HEATR1: variants seen among roughly 807,000 people sequenced by gnomAD.
The protein encoded by HEATR1 is HEAT repeat-containing protein 1.
A neutral mutation model predicts 248.2 loss-of-function variants in HEATR1; 77 were observed. The ratio of observed to expected loss-of-function variants is 0.31; its 90% confidence interval spans 0.26 to 0.37. The LOEUF is 0.37. HEATR1 is among the 10% of genes least tolerant of loss of function. The probability of loss-of-function intolerance (pLI) is 1.00; values close to 1 mark genes in which losing one functional copy is unlikely to be tolerated. For missense variants in HEATR1, 2,420 were observed against 2,504.9 expected (o/e 0.97, Z 0.72); for synonymous variants, 897 against 923.1 (o/e 0.97, Z 0.51).
chr1:236,585,761 A>T lies in HEATR1; in HGVS notation c.2049+59T>A. 3.9e-6 allele frequency: 6 copies of T among 1,538,884 alleles called. No individual in the cohort carries two copies. In the South Asian group the frequency reaches 6.2e-5, roughly 16 times the overall value. ...GAAAAATCTAGTAAAGCAAAAGCTG[A>T]GAATTTAATAAGAGTATGAGAAAGA... On this transcript the variant is annotated intron_variant, in intron 16 of 44. Transcript: ENST00000366582.
chr1:236,596,696 T>A (rs1664185338), intron 6 of HEATR1, 140 bp downstream of exon 6: 1 of 793,664 alleles, frequency 1.3e-6, no homozygotes. Flanking sequence ...AGTGTCATAT[T>A]TTCAACCTAA....
At chr1:236,565,566 A>C (rs911231554) in intron 31 of HEATR1, among the ~76,000 whole-genome samples, 3 of 152,108 alleles carry the variant, frequency 2.0e-5, no homozygotes, top group Admixed American at 1.3e-4. Context: ...TGTGGTACCT[A>C]CTTTTTTTCT....
chr1:236,558,842 A>C (rs1373871982), intron 35 of HEATR1, among the ~76,000 whole-genome samples, 153 bp downstream of exon 35: 3 of 152,240 alleles, frequency 2.0e-5, no homozygotes, highest in Non-Finnish European at 4.4e-5. Flanking sequence ...CGTTAGAATT[A>C]ACGTCACATT....
Position 236,557,938 on chromosome 1 carries a change from TTTA to T in HEATR1, c.5204+296_5204+298del, listed in dbSNP as rs1256034205. ...TCTTTCTGTTTGAAGATTAATTATT[TTTA>T]TTATTATTTCTTTAAGAGACAGGGT... On this transcript the variant is annotated intron_variant, in intron 36 of 44. Transcript: ENST00000366582. 3.9e-5 allele frequency among the ~76,000 whole-genome samples: 6 copies of T among 152,260 alleles called. No homozygotes were observed. The East Asian group carries it at 5.8e-4, about 15-fold the overall frequency.
chr1:236,577,661 T>A (rs1165938884), intron 20 of HEATR1, among the ~76,000 whole-genome samples: 1 of 152,046 alleles, frequency 6.6e-6, no homozygotes, highest in South Asian at 2.1e-4. Flanking sequence ...GCTAATTTTG[T>A]ATTTTTAGTA....
intron 19 of HEATR1, among the ~76,000 whole-genome samples, chr1:236,581,901 CTGT>C (rs1663756881): frequency 2.6e-5 from 4 of 152,214 alleles, no homozygotes; most frequent in Admixed American, 1.3e-4. Context: ...AAAGACTGGG[CTGT>C]TGTTATTTTT....
chr1:236,573,980 A>G, intron 24 of HEATR1: 1 of 351,962 alleles, frequency 2.8e-6, no homozygotes, highest in Non-Finnish European at 5.0e-6. Flanking sequence ...TACACATCCT[A>G]TCTGGTTAAA....
At chr1:236,574,574 C>CT (rs74614923) in intron 23 of HEATR1, 87 bp downstream of exon 23, 71,247 of 996,200 alleles carry the variant, frequency 0.072, 211 homozygotes, top group East Asian at 0.19. Context: ...AAATATTAAT[C>CT]TTTTTTTTTT....
In HEATR1 at chr1:236,583,004, G is replaced by A. The variant is rs759448779; in HGVS notation, c.2425+9C>T. 2.5e-6 allele frequency: 4 copies of A among 1,612,764 alleles called. No individual in the cohort carries two copies. The highest frequency in any genetic ancestry group is 3.4e-6 in the Non-Finnish European group (4 of 1,179,130). ...ATCACATTTAAAAGATTCACAGCTT[G>A]TATCTTACCTTTAGGAAAAGATTTA... On this transcript the variant is annotated intron_variant, in intron 18 of 44. Coordinates refer to ENST00000366582, the MANE Select transcript of HEATR1 (RefSeq NM_018072.6).
At chr1:236,599,884 C>T (rs1283898380) in intron 3 of HEATR1, among the ~76,000 whole-genome samples, 1 of 152,030 alleles carries the variant, frequency 6.6e-6, no homozygotes, top group East Asian at 1.9e-4. Flanking sequence ...AACTTTCTCT[C>T]AGCTTTACAA....
chr1:236,600,538 GATT>G (rs924789600), intron 3 of HEATR1, among the ~76,000 whole-genome samples: 1 of 148,812 alleles, frequency 6.7e-6, no homozygotes, highest in Admixed American at 6.7e-5. Context: ...CCTTTTATTA[GATT>G]TTTTTTTTTT....
rs1192571319 is a variant in HEATR1 at position 236,566,643 on chromosome 1, G to C, written c.4308+3C>G. 1.2e-6 allele frequency: 2 copies of C among 1,604,978 alleles called. No homozygotes were observed. The highest frequency in any genetic ancestry group is 1.7e-6 in the Non-Finnish European group (2 of 1,172,218). ...TCCTTATCTTCCCACCCTAGGTTCT[G>C]ACCTTTTCGCCATAGGCAGCCGCCA... On this transcript the variant is annotated splice_donor_region_variant and intron_variant, in intron 30 of 44. Transcript: ENST00000366582.
Position 236,567,574 on chromosome 1 carries a change from T to C in HEATR1, c.4078-698A>G, listed in dbSNP as rs541212001. ...AAAATACAAAATTAGCCGGGCGTGGTGGTGCGTGCCTGTAGTCCCAGCTAC... is the reference window on the plus strand; with the variant it reads ...AAAATACAAAATTAGCCGGGCGTGGCGGTGCGTGCCTGTAGTCCCAGCTAC... On this transcript the variant is annotated intron_variant, in intron 29 of 44. Coordinates refer to ENST00000366582, the MANE Select transcript of HEATR1 (RefSeq NM_018072.6). Among the ~76,000 whole-genome samples the C allele has an allele frequency of 1.8e-4, 27 of 152,302 alleles. 1 individual carries two copies. The highest frequency in any genetic ancestry group is 3.1e-4 in the Non-Finnish European group (21 of 68,028).
chr1:236,587,967 G>A lies in HEATR1; in HGVS notation c.1607C>T (p.Ser536Leu), dbSNP rs1218110659. 6.2e-6 allele frequency: 10 copies of A among 1,610,332 alleles called. No individual in the cohort carries two copies. Among genetic ancestry groups the A allele is most frequent in the Middle Eastern group, 1.7e-4 (1 of 6,040 alleles). Residue 536 changes from serine to leucine, a missense_variant, in exon 13 of 45, where the codon TCG (serine) becomes TTG (leucine). Ser to Leu is a moderately radical substitution (Grantham distance 145). Coordinates refer to ENST00000366582, the MANE Select transcript of HEATR1 (RefSeq NM_018072.6). ...ACTCACCTCAAAAGCACTTATAGCC[G>A]ACAAAACAACATCTATATTATCATC... ...LGDDNIDVVL[S>L]AISAFEIFKE...
rs750898415 is a variant in HEATR1, at chr1:236,595,588, G to A, written c.1042C>T (p.His348Tyr). The A allele has an allele frequency of 1.6e-5, 25 of 1,608,694 alleles. No individual in the cohort carries two copies. The highest frequency in any genetic ancestry group is 8.3e-5 in the Admixed American group (5 of 59,974). The change falls in exon 8 of 45, where the codon CAT becomes TAT. Residue 348 changes from histidine (H) to tyrosine (Y), a missense_variant. Coordinates refer to ENST00000366582, the MANE Select transcript of HEATR1 (RefSeq NM_018072.6). ...SETYDVSPLL[H>Y]YMLPHLVVSI... ...ACGACCAGATGGGGAAGCATGTAAT[G>A]CAGAAGAGGACTGACATCGTAAGTT...
intron 28 of HEATR1, among the ~76,000 whole-genome samples, chr1:236,570,073 C>T (rs956518305): frequency 6.6e-6 from 1 of 152,192 alleles, no homozygotes; most frequent in East Asian, 1.9e-4. Flanking sequence ...CGGATCATGA[C>T]ATCAGGAGAT....
At position 236,574,101 on chromosome 1, in the gene HEATR1, C is replaced by T. The variant is rs191597035; in HGVS notation, c.3459+101G>A. On this transcript the variant is annotated intron_variant, in intron 24 of 44. Coordinates refer to ENST00000366582, the MANE Select transcript of HEATR1 (RefSeq NM_018072.6). Reference sequence around the variant, plus strand: ...GATTTTTGTTAATGGTAACATCTGACCTCTTACAAGCACTATAAAATACAG... The same window carrying T: ...GATTTTTGTTAATGGTAACATCTGATCTCTTACAAGCACTATAAAATACAG... 6.0e-6 allele frequency: 6 copies of T among 1,000,728 alleles called. No homozygotes were observed. The Admixed American group carries it at 1.5e-4, about 25-fold the overall frequency. 62.0% of individuals were successfully genotyped at this position (1,000,728 alleles called of 1,614,324 possible).
chr1:236,591,680 C>T (rs962722672), intron 11 of HEATR1, among the ~76,000 whole-genome samples: 24 of 152,258 alleles, frequency 1.6e-4, no homozygotes, highest in African/African-American at 5.8e-4. Flanking sequence ...AGATGAAAGA[C>T]AGAGAATGCT....
chr1:236,570,560 T>C (rs1663400503), intron 28 of HEATR1, among the ~76,000 whole-genome samples: 1 of 152,074 alleles, frequency 6.6e-6, no homozygotes, highest in Non-Finnish European at 1.5e-5. Context: ...GAAAATACTC[T>C]TCAAGTAGAT....
Sources: allele counts gnomAD v4.1 joint callset (sites outside exome capture counted in the v4.1 genomes callset), GRCh38; gene constraint gnomAD v4.1.1; transcripts MANE v1.5; gene names NCBI Gene and HGNC (gene_info 2026-07-23, HGNC 2026-07-21).